The following KIAA0825 variants were observed in gnomAD, a reference collection of about 807,000 sequenced individuals.
KIAA0825 encodes the protein KIAA0825.
A neutral mutation model predicts 147.6 loss-of-function variants in KIAA0825; 119 were observed. That is an observed-to-expected ratio of 0.81 (90% CI 0.69 to 0.94). The LOEUF (loss-of-function observed/expected upper bound fraction) is 0.94. Among genes scored for constraint, KIAA0825 ranks in the 40% least tolerant of loss-of-function variants. The probability of loss-of-function intolerance (pLI) is 0.00; values close to 1 mark genes in which losing one functional copy is unlikely to be tolerated. For missense variants in KIAA0825, 1,381 were observed against 1,472.7 expected (o/e 0.94, Z 1.02); for synonymous variants, 470 against 518.1 (o/e 0.91, Z 1.26).
At chr5:94,441,588 T>C (rs1455874083) in intron 13 of KIAA0825, among the ~76,000 whole-genome samples, 2 of 152,130 alleles carry the variant, frequency 1.3e-5, no homozygotes, top group African/African-American at 4.8e-5. Context: ...AATGGGATTA[T>C]AGTCCTTCTA....
At chr5:94,612,306 T>G (rs1156310926) in intron 1 of KIAA0825, among the ~76,000 whole-genome samples, 1 of 152,210 alleles carries the variant, frequency 6.6e-6, no homozygotes, top group Non-Finnish European at 1.5e-5. Context: ...CTGTTGATCA[T>G]TTTTACTAAT....
rs973260606 is a variant in KIAA0825, at chr5:94,341,473, C to T, written c.3710+42895G>A. On this transcript the variant is annotated intron_variant, in intron 20 of 20. Coordinates refer to ENST00000682413, the MANE Select transcript of KIAA0825 (RefSeq NM_001145678.3). Reference sequence around the variant, plus strand: ...ATGGAGTACACCTAGCTGATCTCAACGAATCTGAATCACGGAATTGATCAT... The same window carrying T: ...ATGGAGTACACCTAGCTGATCTCAATGAATCTGAATCACGGAATTGATCAT... Among the ~76,000 whole-genome samples the T allele has an allele frequency of 3.9e-5, 6 of 152,130 alleles. No individual in the cohort carries two copies. The South Asian group carries it at 8.3e-4, about 21-fold the overall frequency.
chr5:94,587,075 C>G (rs1204939766), intron 1 of KIAA0825, among the ~76,000 whole-genome samples: 1 of 152,162 alleles, frequency 6.6e-6, no homozygotes, highest in Non-Finnish European at 1.5e-5. Flanking sequence ...GACAAACCTA[C>G]AGCCAATATC....
intron 13 of KIAA0825, among the ~76,000 whole-genome samples, chr5:94,451,899 T>G (rs1209436546): frequency 6.6e-6 from 1 of 152,224 alleles, no homozygotes; most frequent in African/African-American, 2.4e-5. Context: ...CTGTAAGAGA[T>G]CCAGTCGTTT....
At chr5:94,247,022 T>C (rs1248676725) in intron 20 of KIAA0825, among the ~76,000 whole-genome samples, 1 of 152,128 alleles carries the variant, frequency 6.6e-6, no homozygotes, top group Non-Finnish European at 1.5e-5. Flanking sequence ...TCATCTTCAC[T>C]TTTGCCATTC....
chr5:94,493,033 G>A (rs545659701), intron 5 of KIAA0825, among the ~76,000 whole-genome samples: 25 of 152,290 alleles, frequency 1.6e-4, no homozygotes, highest in Admixed American at 1.4e-3. Context: ...TATGTTCATA[G>A]AAGGATGTTT....
rs940731838 is a variant in KIAA0825 at position 94,201,608 on chromosome 5, G to T, written c.3711-47484C>A. Among the ~76,000 whole-genome samples the T allele has an allele frequency of 7.4e-5, 11 of 148,724 alleles. No homozygotes were observed. In the East Asian group the frequency reaches 1.8e-3, roughly 24 times the overall value. ...AAGGTTGTTTTTTTTTGTTTTTTTG[G>T]TTTTTTGGTTTTTTTTTTTTGGTAG... is the stretch of plus-strand genomic sequence containing the variant. On this transcript the variant is annotated intron_variant, in intron 20 of 20. Coordinates refer to ENST00000682413, the MANE Select transcript of KIAA0825 (RefSeq NM_001145678.3).
chr5:94,348,536 C>T (rs1584207107), intron 20 of KIAA0825, among the ~76,000 whole-genome samples: 1 of 152,270 alleles, frequency 6.6e-6, no homozygotes, highest in South Asian at 2.1e-4. Context: ...ATTTTGTATC[C>T]AGCAAAACTA....
intron 20 of KIAA0825, among the ~76,000 whole-genome samples, chr5:94,305,430 T>C (rs1409728974): frequency 6.6e-6 from 1 of 151,918 alleles, no homozygotes; most frequent in Non-Finnish European, 1.5e-5. Flanking sequence ...ACATATGACA[T>C]TTATAAAATG....
intron 20 of KIAA0825, among the ~76,000 whole-genome samples, chr5:94,364,467 T>C (rs374083124): frequency 1.1e-4 from 16 of 152,072 alleles, no homozygotes; most frequent in East Asian, 7.8e-4. Flanking sequence ...CTGCAAGCTC[T>C]GCCTCCCGGG....
Position 94,299,365 on chromosome 5 carries a change from C to T in KIAA0825, c.3710+85003G>A, listed in dbSNP as rs536628371. Among the ~76,000 whole-genome samples, 4 of 151,726 alleles carry T rather than the reference C, an allele frequency of 2.6e-5. No homozygotes were observed. The South Asian group carries it at 6.3e-4, about 24-fold the overall frequency. ...CTGAGTAGCTGGGAATACAGGTGAG[C>T]ACCATCACGCTTGGGTAATTTACTT... is the stretch of plus-strand genomic sequence containing the variant. On this transcript the variant is annotated intron_variant, in intron 20 of 20. Transcript: ENST00000682413.
intron 20 of KIAA0825, among the ~76,000 whole-genome samples, chr5:94,340,778 G>A (rs1192627670): frequency 6.6e-6 from 1 of 152,156 alleles, no homozygotes. Flanking sequence ...CATCAGTTGA[G>A]CTCCTTGATG....
intron 20 of KIAA0825, among the ~76,000 whole-genome samples, chr5:94,286,849 G>C (rs1777681740): frequency 2.0e-5 from 3 of 152,100 alleles, no homozygotes; most frequent in Admixed American, 2.0e-4. Context: ...GCTGTGGCTG[G>C]TACTCAGGGA....
Position 94,210,964 on chromosome 5 carries a change from C to A in KIAA0825, c.3711-56840G>T, listed in dbSNP as rs576390380. On this transcript the variant is annotated intron_variant, in intron 20 of 20. Coordinates refer to ENST00000682413, the MANE Select transcript of KIAA0825 (RefSeq NM_001145678.3). Reference sequence around the variant, plus strand: ...AACATGATAGTGTTTTAGATTTTGGCCATGTCTCCAAAACTAAGCAATTTT... The same window carrying A: ...AACATGATAGTGTTTTAGATTTTGGACATGTCTCCAAAACTAAGCAATTTT... 5.3e-5 allele frequency among the ~76,000 whole-genome samples: 8 copies of A among 152,192 alleles called. No individual in the cohort carries two copies. In the South Asian group the frequency reaches 1.7e-3, roughly 32 times the overall value.
rs150998244 is a variant in KIAA0825 at position 94,492,354 on chromosome 5, A to T, written c.971-7424T>A. On this transcript the variant is annotated intron_variant, in intron 5 of 20. Coordinates refer to ENST00000682413, the MANE Select transcript of KIAA0825 (RefSeq NM_001145678.3). ...CACAGAACTGTTCTTGGGAGGTAGTACTTGCTATACAAATGTTAGATTTTA... is the reference window on the plus strand; with the variant it reads ...CACAGAACTGTTCTTGGGAGGTAGTTCTTGCTATACAAATGTTAGATTTTA... Among the ~76,000 whole-genome samples the T allele has an allele frequency of 7.0e-3, 1,062 of 152,326 alleles. 12 individuals are homozygous for T. Among genetic ancestry groups the T allele is most frequent in the Non-Finnish European group, 7.5e-3 (510 of 68,028 alleles).
chr5:94,600,033 C>T (rs10053484), intron 1 of KIAA0825, among the ~76,000 whole-genome samples: 35,361 of 151,930 alleles, frequency 0.23, 4,442 homozygotes, highest in Non-Finnish European at 0.27. Context: ...TATATTTCTC[C>T]GAGGAAGACA....
chr5:94,203,456 G>C (rs1271406994), intron 20 of KIAA0825, among the ~76,000 whole-genome samples: 1 of 152,114 alleles, frequency 6.6e-6, no homozygotes, highest in Non-Finnish European at 1.5e-5. Context: ...CATTTAAAAA[G>C]TGTTAATATA....
Position 94,588,511 on chromosome 5 carries a change from T to C in KIAA0825, c.-152-5928A>G, listed in dbSNP as rs1783747704. ...AGATACCATCTCACACCAATTAGAA[T>C]GGCAATCATTAAAAAGTCGGGAAAC... On this transcript the variant is annotated intron_variant, in intron 1 of 20. Transcript: ENST00000682413. Among the ~76,000 whole-genome samples, 7 of 152,122 alleles carry C rather than the reference T, an allele frequency of 4.6e-5. 1 individual carries two copies. The South Asian group carries it at 1.5e-3, about 32-fold the overall frequency.
At chr5:94,161,844 AAAAC>A (rs757416437) in intron 20 of KIAA0825, among the ~76,000 whole-genome samples, 20 of 152,244 alleles carry the variant, frequency 1.3e-4, no homozygotes, top group Non-Finnish European at 2.8e-4. Context: ...GACAAATGCA[AAAAC>A]AAACACACAG....
Sources: allele counts gnomAD v4.1 joint callset (sites outside exome capture counted in the v4.1 genomes callset), GRCh38; gene constraint gnomAD v4.1.1; transcripts MANE v1.5; gene names NCBI Gene and HGNC (gene_info 2026-07-23, HGNC 2026-07-21).